TDRD10: variants seen among roughly 807,000 people sequenced by gnomAD.
TDRD10 encodes tudor domain containing 10, also known as tudor domain-containing protein 10.
A neutral mutation model predicts 48.0 loss-of-function variants in TDRD10; 40 were observed. The observed-to-expected ratio is 0.83, with a 90% CI of 0.65 to 1.09. The LOEUF (loss-of-function observed/expected upper bound fraction) is 1.09, where lower values mean the gene tolerates loss of function less well. TDRD10 is among the 50% of genes least tolerant of loss of function. The pLI is 0.00. For synonymous variants in TDRD10, 162 were observed against 170.4 expected, an observed-to-expected ratio of 0.95 and a Z score of 0.38; for missense variants, 378 against 434.7, an observed-to-expected ratio of 0.87 and a Z score of 1.16.
At chr1:154,526,098 G>A (rs11265629) in intron 6 of TDRD10, among the ~76,000 whole-genome samples, 117,918 of 150,320 alleles carry the variant, frequency 0.78, 47,059 homozygotes, top group East Asian at 0.92. Context: ...CCAGCTACTC[G>A]GGAGGCTGAG....
chr1:154,526,837 C>T (rs1694341777), intron 6 of TDRD10, among the ~76,000 whole-genome samples: 1 of 151,218 alleles, frequency 6.6e-6, no homozygotes, highest in Non-Finnish European at 1.5e-5. Flanking sequence ...TAATTACCCA[C>T]CTCGGCCTCC....
chr1:154,517,809 C>T (rs1158031248), intron 4 of TDRD10, among the ~76,000 whole-genome samples: 3 of 152,186 alleles, frequency 2.0e-5, no homozygotes, highest in Non-Finnish European at 4.4e-5. Flanking sequence ...AGCAGAGCTT[C>T]AGTGAACCGG....
At chr1:154,542,663 T>G in intron 7 of TDRD10, 68 bp from the exon 8 acceptor site, 1 of 1,316,064 alleles carries the variant, frequency 7.6e-7, no homozygotes, top group Non-Finnish European at 1.1e-6. Flanking sequence ...AGGCCTCTTG[T>G]GGGTTAGGGG....
chr1:154,510,240 TAA>T (rs34841605), intron 4 of TDRD10, among the ~76,000 whole-genome samples: 79,516 of 137,726 alleles, frequency 0.58, 22,901 homozygotes, highest in East Asian at 0.74. Context: ...CCACATCTCT[TAA>T]AAAAAAAAAA....
chr1:154,542,088 C>G, intron 7 of TDRD10, 22 bp downstream of exon 7: 1 of 1,613,360 alleles, frequency 6.2e-7, no homozygotes, highest in Non-Finnish European at 8.5e-7. Context: ...CGCTGCCATC[C>G]TTTCCCAGGA....
At chr1:154,508,545 C>A in intron 4 of TDRD10, 64 bp downstream of exon 4, 1 of 1,069,370 alleles carries the variant, frequency 9.4e-7, no homozygotes. Context: ...TAGTAACCTG[C>A]TAGTAACTTA....
intron 11 of TDRD10, 38 bp from the exon 12 acceptor site, chr1:154,547,371 G>C (rs376437725): frequency 6.2e-7 from 1 of 1,612,882 alleles, no homozygotes; most frequent in South Asian, 1.1e-5. Flanking sequence ...GCCCAACCCC[G>C]TGCCACTGAG....
chr1:154,542,864 C>T (rs1213707915), intron 8 of TDRD10, 43 bp downstream of exon 8: 1 of 1,514,780 alleles, frequency 6.6e-7, no homozygotes, highest in East Asian at 2.3e-5. Flanking sequence ...ATGGCGATTA[C>T]AGACATCCTC....
intron 11 of TDRD10, among the ~76,000 whole-genome samples, chr1:154,545,897 A>G (rs890933538): frequency 2.8e-5 from 4 of 140,462 alleles, no homozygotes; most frequent in Admixed American, 7.2e-5. Flanking sequence ...CAGCCTCCCA[A>G]TTACAGGCAC....
At chr1:154,519,262 T>C (rs144641821) in intron 4 of TDRD10, among the ~76,000 whole-genome samples, 1 of 152,348 alleles carries the variant, frequency 6.6e-6, no homozygotes, top group Non-Finnish European at 1.5e-5. Flanking sequence ...TAAAGCAAAT[T>C]AGAAAATTTG....
intron 7 of TDRD10, 80 bp downstream of exon 7, chr1:154,542,146 C>G: frequency 6.8e-7 from 1 of 1,461,722 alleles, no homozygotes; most frequent in Non-Finnish European, 9.5e-7. Context: ...CTTCTGCAGC[C>G]TCCCTTCCAG....
chr1:154,531,627 G>A (rs1332519821), intron 6 of TDRD10, among the ~76,000 whole-genome samples: 1 of 152,222 alleles, frequency 6.6e-6, no homozygotes. Flanking sequence ...CATAAAGGCA[G>A]TGTGGACCCG....
Position 154,543,983 on chromosome 1 carries a change from T to C in TDRD10, c.524T>C (p.Leu175Pro). 1 of 1,614,172 alleles carries C rather than the reference T, an allele frequency of 6.2e-7. No homozygotes were observed. Among genetic ancestry groups the C allele is most frequent in the Non-Finnish European group, 8.5e-7 (1 of 1,180,012 alleles). ...CGCAGAGGGTCCTTCCTGGTGCTGC[T>C]CCTGAGGGAATGCTTCCGAGACCTG... is the stretch of plus-strand genomic sequence containing the variant. Reference protein sequence around the residue: ...LEMRGSFLVLLLRECFRDLSW... With the variant: ...LEMRGSFLVLPLRECFRDLSW... Residue 175 changes from leucine (L) to proline (P), a missense_variant, in exon 9 of 13, where the codon CTC (leucine) becomes CCC (proline). Physicochemically the swap from Leu to Pro is moderately conservative, Grantham distance 98. Coordinates refer to ENST00000368482, the MANE Select transcript of TDRD10 (RefSeq NM_182499.4).
intron 7 of TDRD10, 62 bp from the exon 8 acceptor site, chr1:154,542,669 A>C: frequency 1.4e-6 from 2 of 1,389,478 alleles, no homozygotes; most frequent in Non-Finnish European, 2.0e-6. Context: ...CTTGTGGGTT[A>C]GGGGAGCAAT....
At chr1:154,508,338 G>T (rs1445578452) in intron 3 of TDRD10, 85 bp from the exon 4 acceptor site, 1 of 926,584 alleles carries the variant, frequency 1.1e-6, no homozygotes, top group Non-Finnish European at 1.8e-6. Flanking sequence ...AACATAGAGA[G>T]ACCCTGTCTC....
At chr1:154,517,392 G>C (rs905637847) in intron 4 of TDRD10, among the ~76,000 whole-genome samples, 8 of 149,764 alleles carry the variant, frequency 5.3e-5, no homozygotes, top group Non-Finnish European at 5.9e-5. Context: ...TTCTTAGGTT[G>C]TACCTTATGA....
In TDRD10 at chr1:154,544,020, A is replaced by T. The variant is rs760855348; in HGVS notation, c.561A>T (p.Ala187=). 2 of 1,613,812 alleles carry T rather than the reference A, an allele frequency of 1.2e-6. No individual in the cohort carries two copies. The highest frequency in any genetic ancestry group is 1.7e-6 in the Non-Finnish European group (2 of 1,179,982). ...GCTTCCGAGACCTGAGCTGGCTGGC[A>T]CTCATCCATAGCGTCCGTGGGGAGG... ...RECFRDLSWL[A]LIHSVRGEAG... Residue 187 remains alanine, a synonymous_variant, in exon 9 of 13, where the codon GCA becomes GCT. Transcript: ENST00000368482.
Position 154,544,379 on chromosome 1 carries a change from A to C in TDRD10, c.659A>C (p.His220Pro). 1 of 1,584,986 alleles carries C rather than the reference A, an allele frequency of 6.3e-7. No homozygotes were observed. Among genetic ancestry groups the C allele is most frequent in the Non-Finnish European group, 8.6e-7 (1 of 1,165,744 alleles). Residue 220 changes from histidine (H) to proline (P), a missense_variant, in exon 10 of 13, where the codon CAC (histidine) becomes CCC (proline). Around this residue, in one of 2 missense-constraint regions of TDRD10, gnomAD observed 310 missense variants for 323.6 expected, o/e 0.96. Transcript: ENST00000368482. The part of the protein sequence containing the change: ...FWAMHVTEAL[H>P]QNMQALFSTL... ...GCGTTTTGCACCCCACAGGCTCTGC[A>C]CCAGAACATGCAGGCTCTGTTTAGC...
In TDRD10 at chr1:154,522,531, C is replaced by T. The variant is rs142429134; in HGVS notation, c.369+1052C>T. On this transcript the variant is annotated intron_variant, in intron 6 of 12. Coordinates refer to ENST00000368482, the MANE Select transcript of TDRD10 (RefSeq NM_182499.4). ...GTCAGATTTTCAGAGGTGGCCCAGG[C>T]GCACTGGCTCACACCTGTAATCCCA... is the stretch of plus-strand genomic sequence containing the variant. Among the ~76,000 whole-genome samples, 37 of 152,190 alleles carry T rather than the reference C, an allele frequency of 2.4e-4. 1 individual carries two copies. In the East Asian group the frequency reaches 3.5e-3, roughly 14 times the overall value.
Sources: allele counts gnomAD v4.1 joint callset (sites outside exome capture counted in the v4.1 genomes callset), GRCh38; gene constraint gnomAD v4.1.1; regional missense constraint gnomAD v4.1.1; transcripts MANE v1.5; gene names NCBI Gene and HGNC (gene_info 2026-07-23, HGNC 2026-07-21).